The following OR2L13 variants were observed in gnomAD, a reference collection of about 807,000 sequenced individuals.
The protein encoded by OR2L13 is olfactory receptor 2L13.
In OR2L13, 14 loss-of-function variants were observed where a neutral mutation model predicts 15.3. The ratio of observed to expected loss-of-function variants is 0.91; its 90% CI spans 0.60 to 1.43. The LOEUF (loss-of-function observed/expected upper bound fraction) is 1.43, where lower values mean the gene tolerates loss of function less well. Ranked by LOEUF, OR2L13 falls within the 40% of genes most tolerant of loss-of-function variation. OR2L13 has a pLI of 0.00. For synonymous variants in OR2L13, 152 were observed against 142.9 expected (o/e 1.06, Z -0.45); for missense variants, 367 against 387.9 (o/e 0.95, Z 0.45).
chr1:248,069,913 T>A, the OR2L13 span, among the ~76,000 whole-genome samples: 1 of 152,022 alleles, frequency 6.6e-6, no homozygotes. Context: ...TCAATTCAAC[T>A]AGAAGAGCTA....
chr1:248,084,425 C>T, the OR2L13 span: 20 of 1,605,738 alleles, frequency 1.2e-5, no homozygotes, highest in South Asian at 2.1e-4. Flanking sequence ...GGAGGAAGTA[C>T]ATGGGCGTGT....
At chr1:248,021,854 G>C in the OR2L13 span, 1 of 917,662 alleles carries the variant, frequency 1.1e-6, no homozygotes. Flanking sequence ...GCATTCACTG[G>C]AGGCCTTGGA....
At chr1:248,087,199 G>GT in the OR2L13 span, among the ~76,000 whole-genome samples, 4 of 149,862 alleles carry the variant, frequency 2.7e-5, no homozygotes, top group East Asian at 7.8e-4. Flanking sequence ...ATACTCTTCA[G>GT]TAAAAAAAAA....
the OR2L13 span, chr1:248,038,165 C>A: frequency 5.1e-6 from 4 of 780,994 alleles, no homozygotes; most frequent in South Asian, 6.9e-5. Flanking sequence ...CAGTTTCAGG[C>A]ATCCACTGGG....
chr1:248,047,390 T>C, the OR2L13 span, among the ~76,000 whole-genome samples: 1 of 152,158 alleles, frequency 6.6e-6, no homozygotes, highest in Admixed American at 6.5e-5. Context: ...ATTAGTGTTG[T>C]TTTTGCATAA....
the OR2L13 span, among the ~76,000 whole-genome samples, chr1:248,082,506 AAG>A: frequency 6.6e-6 from 1 of 152,150 alleles, no homozygotes; most frequent in African/African-American, 2.4e-5. Flanking sequence ...AATAAAAAAA[AAG>A]AAAAAAACAT....
chr1:248,028,039 G>T, the OR2L13 span, among the ~76,000 whole-genome samples: 1 of 150,526 alleles, frequency 6.6e-6, no homozygotes, highest in African/African-American at 2.5e-5. Flanking sequence ...TACTCAGGAG[G>T]CTGAGGCAGG....
the OR2L13 span, among the ~76,000 whole-genome samples, chr1:248,052,661 G>A: frequency 3.3e-5 from 5 of 152,080 alleles, no homozygotes; most frequent in African/African-American, 1.2e-4. Context: ...AATCTGGGAG[G>A]TGGAGCTTGT....
At chr1:247,981,704 T>C in the OR2L13 span, among the ~76,000 whole-genome samples, 3,469 of 151,626 alleles carry the variant, frequency 0.023, 136 homozygotes, top group African/African-American at 0.08. Context: ...GTGATTATTT[T>C]GATGTTGAGG....
At chr1:248,096,528 AAC>A (rs572358177), upstream of OR2L13, among the ~76,000 whole-genome samples, 7 of 152,338 alleles carry the variant, frequency 4.6e-5, no homozygotes, top group East Asian at 1.3e-3. Context: ...CTCCATGGTT[AAC>A]ACAGGGAATG....
chr1:248,071,213 T>C, the OR2L13 span, among the ~76,000 whole-genome samples: 6 of 152,298 alleles, frequency 3.9e-5, no homozygotes, highest in African/African-American at 1.2e-4. Flanking sequence ...TGAACATTGA[T>C]GCAAAAATCC....
At chr1:248,037,909 A>G in the OR2L13 span, among the ~76,000 whole-genome samples, 2 of 152,222 alleles carry the variant, frequency 1.3e-5, no homozygotes, top group Admixed American at 6.5e-5. Flanking sequence ...TCATGTAGAC[A>G]TTTTGATTTC....
At chr1:248,018,428 A>ATACTATTGC in the OR2L13 span, among the ~76,000 whole-genome samples, 3 of 152,196 alleles carry the variant, frequency 2.0e-5, no homozygotes, top group Admixed American at 2.0e-4. Context: ...TACAAATTAC[A>ATACTATTGC]TACTATTGCA....
the OR2L13 span, among the ~76,000 whole-genome samples, chr1:248,070,770 G>A: frequency 5.9e-5 from 9 of 152,038 alleles, no homozygotes; most frequent in African/African-American, 1.2e-4. Context: ...TCAAATAGAC[G>A]CAATAAAAAA....
the OR2L13 span, among the ~76,000 whole-genome samples, chr1:247,946,699 A>G: frequency 1.3e-5 from 2 of 152,058 alleles, no homozygotes; most frequent in African/African-American, 4.8e-5. Flanking sequence ...TTGACCCATG[A>G]TATATGCTAG....
At chr1:247,949,700 C>A in the OR2L13 span, 1 of 1,610,086 alleles carries the variant, frequency 6.2e-7, no homozygotes, top group African/African-American at 1.3e-5. Context: ...CCATCCTCAC[C>A]CCAATGCTCA....
the OR2L13 span, among the ~76,000 whole-genome samples, chr1:248,078,396 C>T: frequency 1.3e-5 from 2 of 151,988 alleles, no homozygotes; most frequent in Non-Finnish European, 2.9e-5. Context: ...TCACTTGAAA[C>T]CAGGAGGCGG....
the OR2L13 span, chr1:247,990,442 A>G: frequency 1.3e-6 from 2 of 1,583,278 alleles, no homozygotes; most frequent in Non-Finnish European, 1.7e-6. Context: ...ACACCCATGT[A>G]TTTCCTACTT....
the OR2L13 span, among the ~76,000 whole-genome samples, chr1:248,064,680 G>A: frequency 2.0e-5 from 3 of 152,112 alleles, no homozygotes; most frequent in African/African-American, 2.4e-5. Context: ...GACATACCAC[G>A]GCTTTGGGGA....
Sources: gnomAD v4.1 joint callset for allele counts (sites outside exome capture counted in the v4.1 genomes callset) on GRCh38, gnomAD v4.1.1 for gene constraint, MANE v1.5 for transcripts, NCBI Gene and HGNC (gene_info 2026-07-23, HGNC 2026-07-21) for gene names.